Variants in TRIM63 observed in about 807,000 individuals in gnomAD.
TRIM63 encodes the protein tripartite motif containing 63.
TRIM63 carries 48 observed loss-of-function variants against 46.0 expected under a neutral mutation model. That is an observed-to-expected ratio of 1.04 (90% CI 0.83 to 1.33). The LOEUF (loss-of-function observed/expected upper bound fraction) is 1.33. TRIM63 is among the 40% of genes most tolerant of loss of function. TRIM63 has a pLI of 0.00. For synonymous variants in TRIM63, 175 were observed against 162.8 expected (o/e 1.08, Z -0.57); for missense variants, 455 against 441.2 (o/e 1.03, Z -0.28).
intron 4 of TRIM63, among the ~76,000 whole-genome samples, chr1:26,059,599 T>C (rs1442289274): frequency 1.3e-5 from 2 of 152,176 alleles, no homozygotes; most frequent in Non-Finnish European, 2.9e-5. Flanking sequence ...TCGTGGGTGA[T>C]CACAATGTTC....
At chr1:26,066,103 G>C (rs1176712169) in intron 2 of TRIM63, among the ~76,000 whole-genome samples, 165 bp downstream of exon 2, 1 of 152,188 alleles carries the variant, frequency 6.6e-6, no homozygotes, top group Non-Finnish European at 1.5e-5. Flanking sequence ...CTGAGAGCTG[G>C]GTTGGGGTGT....
intron 7 of TRIM63, among the ~76,000 whole-genome samples, chr1:26,054,817 A>C (rs1242022949): frequency 6.6e-6 from 1 of 152,048 alleles, no homozygotes; most frequent in African/African-American, 2.4e-5. Context: ...AAATACAAAA[A>C]ATTAGCTGGG....
intron 2 of TRIM63, among the ~76,000 whole-genome samples, chr1:26,062,786 T>A (rs2050638996): frequency 3.3e-5 from 5 of 152,126 alleles, no homozygotes. Context: ...TGTTGTGTTG[T>A]TCTGTTTTGA....
chr1:26,066,320 T>C lies in TRIM63; in HGVS notation c.280A>G (p.Arg94Gly), dbSNP rs779450517. ...MDRHGVYGLQ[R>G]NLLVENIIDI... ...ATGATGTTCTCCACCAGCAGGTTCC[T>C]CTGCAGGCCGTACACTCCGTGACGA... Residue 94 changes from arginine (R) to glycine (G), a missense_variant, in exon 2 of 9, where the codon AGG (arginine) becomes GGG (glycine). Coordinates refer to ENST00000374272, the MANE Select transcript of TRIM63 (RefSeq NM_032588.4). The C allele has an allele frequency of 1.9e-6, 3 of 1,614,134 alleles. No homozygotes were observed. The Admixed American group carries it at 5.0e-5, about 27-fold the overall frequency.
chr1:26,052,988 G>C (rs2050536146), intron 8 of TRIM63, among the ~76,000 whole-genome samples: 1 of 152,102 alleles, frequency 6.6e-6, no homozygotes, highest in Non-Finnish European at 1.5e-5. Flanking sequence ...CTGTTGCCAA[G>C]GCAAGAGTGC....
chr1:26,055,208 C>G (rs1239675152), intron 7 of TRIM63, among the ~76,000 whole-genome samples: 1 of 152,226 alleles, frequency 6.6e-6, no homozygotes, highest in African/African-American at 2.4e-5. Context: ...AGAATCTGCA[C>G]AGGCTACTTG....
Position 26,053,894 on chromosome 1 carries a change from T to C in TRIM63, c.1050A>G (p.Glu350=). Residue 350 remains glutamate (E), a splice_region_variant and synonymous_variant, in exon 8 of 9, where the codon GAA becomes GAG. Transcript: ENST00000374272. ...AATGGAGGTAGATGAATTTCTTACC[T>C]TCTTCCTTCCCTTCTGTGGACTCTT... is the stretch of plus-strand genomic sequence containing the variant. ...EEEESTEGKE[E]GHQ is the part of the protein sequence containing the mutation. 1 of 1,592,774 alleles carries C rather than the reference T, an allele frequency of 6.3e-7. No individual in the cohort carries two copies. The highest frequency in any genetic ancestry group is 8.5e-7 in the Non-Finnish European group (1 of 1,171,418).
chr1:26,066,228 T>C (rs917832321), intron 2 of TRIM63, 40 bp downstream of exon 2: 1 of 1,610,894 alleles, frequency 6.2e-7, no homozygotes, highest in African/African-American at 1.3e-5. Context: ...ACAGCATGGC[T>C]GGGAAGGAGG....
chr1:26,061,771 T>C (rs1003875132), intron 2 of TRIM63, among the ~76,000 whole-genome samples: 1 of 152,200 alleles, frequency 6.6e-6, no homozygotes, highest in Non-Finnish European at 1.5e-5. Context: ...GTTGCTCTAA[T>C]TATAGTCACC....
At chr1:26,065,915 A>G (rs925398055) in intron 2 of TRIM63, among the ~76,000 whole-genome samples, 1 of 152,200 alleles carries the variant, frequency 6.6e-6, no homozygotes, top group East Asian at 1.9e-4. Flanking sequence ...AGCTGTTGCT[A>G]TCCTTATAGA....
At chr1:26,051,995 T>C (rs1268317302) in intron 8 of TRIM63, 112 bp from the exon 9 acceptor site, 4 of 880,488 alleles carry the variant, frequency 4.5e-6, no homozygotes, top group Non-Finnish European at 6.2e-6. Flanking sequence ...AACATCAAAC[T>C]CCAATTCCTC....
In TRIM63 at chr1:26,057,208, C is replaced by A. The variant is rs1239058801; in HGVS notation, c.974G>T (p.Gly325Val). The A allele has an allele frequency of 6.2e-7, 1 of 1,613,966 alleles. No homozygotes were observed. The highest frequency in any genetic ancestry group is 1.1e-5 in the South Asian group (1 of 91,066). Residue 325 changes from glycine (G) to valine (V), a missense_variant, in exon 7 of 9, where the codon GGG (glycine) becomes GTG (valine). Gly to Val is a moderately radical substitution (Grantham distance 109). Coordinates refer to ENST00000374272, the MANE Select transcript of TRIM63 (RefSeq NM_032588.4). ...IADALRAIDF[G>V]TDEEEEEFIE... ...GGCATCACCACCTCCTTTACCTGTCCCAAAGTCAATGGCTCTCAGGGCGTC... is the reference window on the plus strand; with the variant it reads ...GGCATCACCACCTCCTTTACCTGTCACAAAGTCAATGGCTCTCAGGGCGTC...
chr1:26,063,539 G>T (rs1019363143), intron 2 of TRIM63, among the ~76,000 whole-genome samples: 2 of 152,336 alleles, frequency 1.3e-5, no homozygotes, highest in East Asian at 3.9e-4. Flanking sequence ...CTGATAAAGG[G>T]ATGGCAGGGA....
Position 26,051,900 on chromosome 1 carries a change from G to A in TRIM63, c.1052-17C>T. ...ACTGGTGTCCTGAAATGAAGAAAAA[G>A]ATACAGAGGCAAGGGGTGAGACAGG... On this transcript the variant is annotated splice_polypyrimidine_tract_variant and intron_variant, in intron 8 of 8. Transcript: ENST00000374272. The A allele has an allele frequency of 7.6e-7, 1 of 1,310,776 alleles. No homozygotes were observed. The highest frequency in any genetic ancestry group is 3.0e-5 in the South Asian group (1 of 33,002). 81.2% of individuals were successfully genotyped at this position (1,310,776 alleles called of 1,614,324 possible).
At chr1:26,067,072 T>C (rs541699152) in intron 1 of TRIM63, among the ~76,000 whole-genome samples, 56 of 152,186 alleles carry the variant, frequency 3.7e-4, no homozygotes, top group Non-Finnish European at 6.5e-4. Flanking sequence ...TGACTCTTGA[T>C]TGGAGAGTCA....
chr1:26,062,614 T>G (rs778366662), intron 2 of TRIM63, among the ~76,000 whole-genome samples: 7 of 152,196 alleles, frequency 4.6e-5, no homozygotes, highest in African/African-American at 7.2e-5. Flanking sequence ...AGTCCAGAGA[T>G]TCTTTCAAAG....
intron 2 of TRIM63, among the ~76,000 whole-genome samples, chr1:26,061,952 T>C (rs557444666): frequency 6.6e-6 from 1 of 152,146 alleles, no homozygotes; most frequent in South Asian, 2.1e-4. Context: ...GAGGAGGTGG[T>C]AATTAAACAA....
At chr1:26,052,008 G>A (rs533336009) in intron 8 of TRIM63, 125 bp from the exon 9 acceptor site, 18 of 794,612 alleles carry the variant, frequency 2.3e-5, no homozygotes, top group Middle Eastern at 3.2e-4. Flanking sequence ...AATTCCTCCC[G>A]GTCTCTTCCT....
chr1:26,062,547 T>C (rs2050635809), intron 2 of TRIM63, among the ~76,000 whole-genome samples: 1 of 152,206 alleles, frequency 6.6e-6, no homozygotes, highest in African/African-American at 2.4e-5. Flanking sequence ...CATGTCATGG[T>C]GACTGGTGAG....
Sources: allele counts gnomAD v4.1 joint callset (sites outside exome capture counted in the v4.1 genomes callset), GRCh38; gene constraint gnomAD v4.1.1; transcripts MANE v1.5; gene names NCBI Gene and HGNC (gene_info 2026-07-23, HGNC 2026-07-21).